Variants in RIMS2 observed in about 807,000 individuals in gnomAD.
RIMS2 encodes the protein regulating synaptic membrane exocytosis 2.
A neutral mutation model predicts 174.4 loss-of-function variants in RIMS2; 59 were observed. The ratio of observed to expected loss-of-function variants is 0.34; its 90% CI spans 0.27 to 0.42. The LOEUF is 0.42. Ranked by LOEUF, RIMS2 falls within the 10% of genes least tolerant of loss-of-function variation. RIMS2 has a pLI of 1.00. For synonymous variants in RIMS2, 606 were observed against 572.5 expected, an observed-to-expected ratio of 1.06 and a Z score of -0.84; for missense variants, 1,620 against 1,666.3, an observed-to-expected ratio of 0.97 and a Z score of 0.48.
intron 19 of RIMS2, among the ~76,000 whole-genome samples, chr8:104,034,364 T>G (rs2096464914): frequency 1.3e-5 from 2 of 152,080 alleles, no homozygotes; most frequent in African/African-American, 4.8e-5. Flanking sequence ...TTGAGTACTA[T>G]GACTAGTAAT....
At chr8:103,782,542 ATGTATGCAGTTTTAAGTTTT>A (rs1251186194) in intron 3 of RIMS2, among the ~76,000 whole-genome samples, 3 of 152,016 alleles carry the variant, frequency 2.0e-5, no homozygotes, top group African/African-American at 7.2e-5. Context: ...TGGTTAAAGA[ATGTATGCAGTTTTAAGTTTT>A]TGTAGTCATT....
At chr8:104,113,253 A>C (rs901353146) in intron 19 of RIMS2, among the ~76,000 whole-genome samples, 1 of 152,128 alleles carries the variant, frequency 6.6e-6, no homozygotes, top group Non-Finnish European at 1.5e-5. Flanking sequence ...TGACATGAGA[A>C]TTCTATTCCA....
chr8:103,977,362 G>A (rs1276521712), intron 16 of RIMS2: 3 of 152,156 alleles, frequency 2.0e-5, no homozygotes, highest in Non-Finnish European at 2.9e-5. Context: ...ATAGAATAAC[G>A]TGTAATCTGA....
At chr8:103,576,548 C>T (rs1026943688) in intron 1 of RIMS2, among the ~76,000 whole-genome samples, 1 of 152,050 alleles carries the variant, frequency 6.6e-6, no homozygotes, top group East Asian at 1.9e-4. Flanking sequence ...ATTCAAAATA[C>T]CAGTTTTAAG....
At position 103,979,239 on chromosome 8, in the gene RIMS2, A is replaced by G. The variant is rs1319539612; in HGVS notation, c.2927+3733A>G. The stretch of plus-strand genomic sequence containing the variant: ...TTTTTACCTTAAAGGGTATTCATCA[A>G]AAAATAGGGATGCTTCAAAATGATG... On this transcript the variant is annotated intron_variant, in intron 16 of 23. Coordinates refer to ENST00000504942, the Ensembl canonical transcript of RIMS2. Among the ~76,000 whole-genome samples the G allele has an allele frequency of 7.2e-5, 11 of 152,296 alleles. No individual in the cohort carries two copies. In the East Asian group the frequency reaches 1.7e-3, roughly 24 times the overall value.
At chr8:104,028,485 A>G (rs913476246) in intron 19 of RIMS2, among the ~76,000 whole-genome samples, 10 of 152,184 alleles carry the variant, frequency 6.6e-5, no homozygotes, top group African/African-American at 1.9e-4. Flanking sequence ...TTTTAATTAC[A>G]TGCCATTTTA....
chr8:103,923,330 A>G (rs2078091472), intron 10 of RIMS2, among the ~76,000 whole-genome samples: 1 of 151,680 alleles, frequency 6.6e-6, no homozygotes, highest in Non-Finnish European at 1.5e-5. Flanking sequence ...TTGAGTTGGT[A>G]AAGAAGGAGT....
At chr8:103,990,763 T>A (rs950133573) in intron 17 of RIMS2, among the ~76,000 whole-genome samples, 1 of 152,002 alleles carries the variant, frequency 6.6e-6, no homozygotes, top group Admixed American at 6.5e-5. Context: ...ATGGAAATGA[T>A]GAGAGAGAAA....
intron 11 of RIMS2, among the ~76,000 whole-genome samples, chr8:103,930,966 T>C (rs2079807949): frequency 1.3e-5 from 2 of 152,102 alleles, no homozygotes; most frequent in Admixed American, 6.5e-5. Flanking sequence ...AGATCAGTCA[T>C]TGTATATAAA....
At chr8:103,819,102 G>A (rs1312366750) in intron 3 of RIMS2, 2 of 491,256 alleles carry the variant, frequency 4.1e-6, no homozygotes, top group Admixed American at 1.2e-4. Context: ...TATTACTTCT[G>A]ATATTTTATT....
chr8:103,890,403 A>G (rs1565149137), intron 4 of RIMS2, among the ~76,000 whole-genome samples: 1 of 152,058 alleles, frequency 6.6e-6, no homozygotes, highest in Non-Finnish European at 1.5e-5. Flanking sequence ...GATTGGATCC[A>G]GTGGAAAATG....
At chr8:103,810,554 A>G (rs985758780) in intron 3 of RIMS2, among the ~76,000 whole-genome samples, 10 of 151,522 alleles carry the variant, frequency 6.6e-5, no homozygotes, top group African/African-American at 1.9e-4. Context: ...CTTTATGTAG[A>G]TATTTTTTCT....
chr8:103,917,906 T>C (rs796335821), intron 8 of RIMS2, among the ~76,000 whole-genome samples: 1 of 152,106 alleles, frequency 6.6e-6, no homozygotes, highest in African/African-American at 2.4e-5. Context: ...AAAGTGGAGG[T>C]TGCAGTGAGC....
chr8:103,704,987 A>G (rs1048571367), intron 2 of RIMS2, among the ~76,000 whole-genome samples: 1 of 150,736 alleles, frequency 6.6e-6, no homozygotes, highest in African/African-American at 2.4e-5. Flanking sequence ...TTTTTCTTTT[A>G]TTAATATTGG....
chr8:104,184,105 G>A (rs2098955683), intron 19 of RIMS2, among the ~76,000 whole-genome samples: 1 of 151,608 alleles, frequency 6.6e-6, no homozygotes, highest in Admixed American at 6.6e-5. Context: ...TGCTATCTAT[G>A]TCATAACTTG....
chr8:104,097,634 A>G (rs10102864), intron 19 of RIMS2, among the ~76,000 whole-genome samples: 35,560 of 151,686 alleles, frequency 0.23, 4,469 homozygotes, highest in African/African-American at 0.33. Context: ...AACAATGACA[A>G]GCTTTCAGTT....
chr8:104,028,423 A>G (rs561461533), intron 19 of RIMS2, among the ~76,000 whole-genome samples: 14 of 152,174 alleles, frequency 9.2e-5, no homozygotes, highest in Non-Finnish European at 1.8e-4. Flanking sequence ...AAGAATTTCA[A>G]ATCTTAAAGC....
intron 1 of RIMS2, among the ~76,000 whole-genome samples, chr8:103,586,847 A>T (rs1317350057): frequency 1.3e-5 from 2 of 152,012 alleles, no homozygotes; most frequent in African/African-American, 4.8e-5. Flanking sequence ...TAGCCAGAGT[A>T]AGAGAAAAAA....
intron 1 of RIMS2, among the ~76,000 whole-genome samples, chr8:103,551,628 G>C (rs1847969778): frequency 6.6e-6 from 1 of 152,174 alleles, no homozygotes; most frequent in Middle Eastern, 3.4e-3. Context: ...AGAAATAAAG[G>C]GTATTCAATT....
Sources: gnomAD v4.1 joint callset for allele counts (sites outside exome capture counted in the v4.1 genomes callset) on GRCh38, gnomAD v4.1.1 for gene constraint, MANE v1.5 for transcripts, NCBI Gene and HGNC (gene_info 2026-07-23, HGNC 2026-07-21) for gene names.